Variants in ADAMTSL1 observed in about 807,000 individuals in gnomAD.
The protein encoded by ADAMTSL1 is ADAMTS like 1.
Under a neutral mutation model 201.8 loss-of-function variants are expected in ADAMTSL1, and 126 were observed. The observed-to-expected ratio is 0.62, with a 90% CI of 0.54 to 0.72. The LOEUF (loss-of-function observed/expected upper bound fraction) is 0.72. ADAMTSL1 is among the 30% of genes least tolerant of loss of function. The probability of loss-of-function intolerance (pLI) is 0.00; values close to 1 mark genes in which losing one functional copy is unlikely to be tolerated. For missense variants in ADAMTSL1, 2,679 were observed against 2,277.8 expected (o/e 1.18, Z -3.59); for synonymous variants, 1,121 against 903.4 (o/e 1.24, Z -4.32).
chr9:18,721,644 A>T lies in ADAMTSL1; in HGVS notation c.1985A>T (p.Asn662Ile), dbSNP rs144658832. ...CCCCCACAGCTCCTGAAGTCCTGCA[A>T]TTTGGATCCCTGCCCAGCAAGGTAA... ...RRPPQLLKSC[N>I]LDPCPARWEI... The change falls in exon 15 of 29, where the codon AAT (asparagine) becomes ATT (isoleucine). Residue 662 changes from asparagine to isoleucine, a missense_variant. Physicochemically the swap from Asn to Ile is moderately radical, Grantham distance 149. Transcript: ENST00000380548. 1 of 1,613,948 alleles carries T rather than the reference A, an allele frequency of 6.2e-7. No individual in the cohort carries two copies. The highest frequency in any genetic ancestry group is 1.3e-5 in the African/African-American group (1 of 75,046).
chr9:18,360,548 G>A (rs1836471926), intron 2 of ADAMTSL1: 1 of 152,124 alleles, frequency 6.6e-6, no homozygotes, highest in African/African-American at 2.4e-5. Context: ...TGACCAAATA[G>A]AGGCAACTGT....
intron 2 of ADAMTSL1, among the ~76,000 whole-genome samples, chr9:18,334,774 C>T (rs78346042): frequency 0.025 from 3,807 of 152,196 alleles, 150 homozygotes; most frequent in African/African-American, 0.085. Flanking sequence ...CTTCTCTCTT[C>T]TTTTATTTAA....
At chr9:18,838,436 G>C (rs1329859433) in intron 23 of ADAMTSL1, among the ~76,000 whole-genome samples, 2 of 150,642 alleles carry the variant, frequency 1.3e-5, no homozygotes, top group African/African-American at 2.5e-5. Flanking sequence ...TTGTCCTCAG[G>C]AAGGTAGGGA....
chr9:18,121,211 C>G (rs1051963011), intron 1 of ADAMTSL1, among the ~76,000 whole-genome samples: 3 of 152,112 alleles, frequency 2.0e-5, no homozygotes, highest in Non-Finnish European at 4.4e-5. Context: ...TTTCCCTCAC[C>G]TAAAACAAAT....
chr9:18,027,144 TG>T (rs1396653853), intron 1 of ADAMTSL1, among the ~76,000 whole-genome samples: 2 of 151,746 alleles, frequency 1.3e-5, no homozygotes, highest in Non-Finnish European at 2.9e-5. Flanking sequence ...TTGAACTTGT[TG>T]ATCCTTTCAT....
intron 2 of ADAMTSL1, among the ~76,000 whole-genome samples, chr9:18,279,584 C>T (rs1381570990): frequency 6.6e-6 from 1 of 151,462 alleles, no homozygotes; most frequent in Non-Finnish European, 1.5e-5. Flanking sequence ...ATCGGGGAAA[C>T]ATGACACCAC....
intron 17 of ADAMTSL1, among the ~76,000 whole-genome samples, chr9:18,771,061 C>T (rs1820663278): frequency 6.6e-6 from 1 of 152,128 alleles, no homozygotes; most frequent in Non-Finnish European, 1.5e-5. Flanking sequence ...GTTTTGGCCC[C>T]AGGATTCTTT....
chr9:18,484,859 GA>G (rs906259380), intron 1 of ADAMTSL1, among the ~76,000 whole-genome samples: 20 of 151,758 alleles, frequency 1.3e-4, no homozygotes, highest in African/African-American at 4.4e-4. Flanking sequence ...TAAAATTTCA[GA>G]AAAAAAATAA....
intron 1 of ADAMTSL1, among the ~76,000 whole-genome samples, chr9:17,981,044 G>C (rs1612716): frequency 6.6e-6 from 1 of 151,950 alleles, no homozygotes; most frequent in African/African-American, 2.4e-5. Context: ...AGCCATTCAC[G>C]AGGGATTCAT....
At chr9:18,531,790 A>G (rs1362882663) in intron 2 of ADAMTSL1, among the ~76,000 whole-genome samples, 3 of 152,200 alleles carry the variant, frequency 2.0e-5, no homozygotes, top group Admixed American at 6.5e-5. Context: ...AGCTCTGTGG[A>G]CGTTTATTGA....
At chr9:17,935,456 C>A (rs1826965617) in intron 1 of ADAMTSL1, among the ~76,000 whole-genome samples, 2 of 152,152 alleles carry the variant, frequency 1.3e-5, no homozygotes, top group South Asian at 4.1e-4. Context: ...TAACCTCATG[C>A]ATTCACTATC....
chr9:18,425,493 A>G (rs763775089), intron 2 of ADAMTSL1, among the ~76,000 whole-genome samples: 3 of 152,172 alleles, frequency 2.0e-5, no homozygotes, highest in Non-Finnish European at 4.4e-5. Context: ...GAGCACTTCA[A>G]ATGTCCGAAA....
At chr9:18,249,189 C>T (rs1475983887) in intron 2 of ADAMTSL1, among the ~76,000 whole-genome samples, 2 of 152,072 alleles carry the variant, frequency 1.3e-5, no homozygotes, top group Admixed American at 6.6e-5. Flanking sequence ...TAAGGAATAG[C>T]AAGTTGTCAG....
chr9:18,291,279 T>TA (rs1424643402), intron 2 of ADAMTSL1, among the ~76,000 whole-genome samples: 3 of 152,186 alleles, frequency 2.0e-5, no homozygotes, highest in Non-Finnish European at 4.4e-5. Flanking sequence ...ACTGGAAAAT[T>TA]AAAATTGATT....
At chr9:18,017,175 A>T (rs1325797469) in intron 1 of ADAMTSL1, among the ~76,000 whole-genome samples, 3 of 152,054 alleles carry the variant, frequency 2.0e-5, no homozygotes, top group Non-Finnish European at 4.4e-5. Flanking sequence ...AAGGATATTC[A>T]TGCCCAATAT....
intron 1 of ADAMTSL1, among the ~76,000 whole-genome samples, chr9:18,151,697 G>C (rs1826921434): frequency 1.3e-5 from 2 of 151,958 alleles, no homozygotes; most frequent in African/African-American, 4.8e-5. Flanking sequence ...TAGTAAGAAA[G>C]GTAAGATGAA....
chr9:18,160,916 A>G (rs1410404626), intron 1 of ADAMTSL1, among the ~76,000 whole-genome samples: 2 of 148,982 alleles, frequency 1.3e-5, no homozygotes, highest in East Asian at 3.9e-4. Flanking sequence ...TGGAATTCCT[A>G]AGCTCAAGCA....
chr9:18,552,730 GT>G (rs1327653778), intron 3 of ADAMTSL1, among the ~76,000 whole-genome samples: 1 of 151,714 alleles, frequency 6.6e-6, no homozygotes, highest in East Asian at 1.9e-4. Context: ...ATTTAAAATT[GT>G]TTGATCTTTC....
intron 2 of ADAMTSL1, among the ~76,000 whole-genome samples, chr9:18,279,739 G>A (rs1479540853): frequency 1.3e-5 from 2 of 152,238 alleles, no homozygotes; most frequent in Non-Finnish European, 1.5e-5. Context: ...TTAACCAAAT[G>A]TGAATTAAAA....
Sources: gnomAD v4.1 joint callset for allele counts (sites outside exome capture counted in the v4.1 genomes callset) on GRCh38, gnomAD v4.1.1 for gene constraint, MANE v1.5 for transcripts, NCBI Gene and HGNC (gene_info 2026-07-23, HGNC 2026-07-21) for gene names.